The following EDDM13 variants were observed in gnomAD, a reference collection of about 807,000 sequenced individuals.
EDDM13 encodes epididymal protein 13.
A neutral mutation model predicts 17.8 loss-of-function variants in EDDM13; 24 were observed. That is an observed-to-expected ratio of 1.35 (90% confidence interval 0.98 to 1.90). EDDM13 has a LOEUF of 1.90. Ranked by LOEUF, EDDM13 falls within the 40% of genes most tolerant of loss-of-function variation. The pLI is 0.00. For missense variants in EDDM13, 97 were observed against 100.8 expected (o/e 0.96, Z 0.16); for synonymous variants, 31 against 37.5 (o/e 0.83, Z 0.63).
chr19:56,308,240 G>A (rs2040824498), intron 14 of EDDM13, among the ~76,000 whole-genome samples: 1 of 150,656 alleles, frequency 6.6e-6, no homozygotes, highest in Non-Finnish European at 1.5e-5. Flanking sequence ...CACCATGTTG[G>A]CCAGGATGGT....
In EDDM13 at chr19:56,295,550, G is replaced by A. The variant is rs143187069; in HGVS notation, c.233-409G>A. 3.6e-4 allele frequency among the ~76,000 whole-genome samples: 55 copies of A among 152,128 alleles called. No individual in the cohort carries two copies. In the East Asian group the frequency reaches 8.3e-3, roughly 23 times the overall value. On this transcript the variant is annotated intron_variant, in intron 9 of 14. Transcript: ENST00000649256. Reference sequence around the variant, plus strand: ...GCAGAAGTTGCAGTGAGCCGAGATCGTCCCACTGCACCCCAGTCTGGGCAA... The same window carrying A: ...GCAGAAGTTGCAGTGAGCCGAGATCATCCCACTGCACCCCAGTCTGGGCAA...
intron 3 of EDDM13, among the ~76,000 whole-genome samples, chr19:56,282,133 C>G (rs1276635355): frequency 6.6e-6 from 1 of 152,082 alleles, no homozygotes; most frequent in South Asian, 2.1e-4. Context: ...AGACGTCTTC[C>G]TTTCCCAGAA....
chr19:56,282,199 C>T (rs1029045592), intron 3 of EDDM13, among the ~76,000 whole-genome samples: 24 of 152,090 alleles, frequency 1.6e-4, no homozygotes, highest in Admixed American at 1.6e-3. Context: ...TTATGGAGAC[C>T]TTCCTTATGC....
chr19:56,308,085 G>A (rs937995927), intron 14 of EDDM13, among the ~76,000 whole-genome samples: 38 of 152,222 alleles, frequency 2.5e-4, no homozygotes, highest in Admixed American at 2.5e-3. Context: ...CCAGGCTGGA[G>A]CGCAGTGGCG....
At chr19:56,276,223 G>A (rs1340581045) in intron 2 of EDDM13, among the ~76,000 whole-genome samples, 114 bp downstream of exon 2, 1 of 152,198 alleles carries the variant, frequency 6.6e-6, no homozygotes, top group East Asian at 1.9e-4. Context: ...TGGATCTGGT[G>A]CACAGACCTG....
intron 13 of EDDM13, among the ~76,000 whole-genome samples, chr19:56,303,288 G>A (rs1057045714): frequency 6.6e-6 from 1 of 151,948 alleles, no homozygotes; most frequent in East Asian, 1.9e-4. Context: ...GACCAGCCTG[G>A]TCAACATGGT....
chr19:56,294,802 A>G (rs2039749612), intron 9 of EDDM13, among the ~76,000 whole-genome samples: 1 of 152,270 alleles, frequency 6.6e-6, no homozygotes, highest in Admixed American at 6.5e-5. Context: ...TTATTCAGCC[A>G]CAAAGAAAGT....
intron 12 of EDDM13, 168 bp from the exon 13 acceptor site, chr19:56,301,800 C>T (rs2040250950): frequency 3.0e-6 from 2 of 667,762 alleles, no homozygotes; most frequent in Non-Finnish European, 4.2e-6. Flanking sequence ...TGGTGGTAAC[C>T]AAGAAGGGGG....
At chr19:56,304,202 C>T (rs552393461) in intron 13 of EDDM13, among the ~76,000 whole-genome samples, 2 of 152,084 alleles carry the variant, frequency 1.3e-5, no homozygotes, top group African/African-American at 2.4e-5. Context: ...GGGGACCTGG[C>T]GGTGCTCATG....
chr19:56,280,789 T>C (rs2038633643), intron 2 of EDDM13: 3 of 152,198 alleles, frequency 2.0e-5, no homozygotes, highest in African/African-American at 7.2e-5. Context: ...TATCTATTCA[T>C]GAAAGTTGAG....
intron 2 of EDDM13, among the ~76,000 whole-genome samples, chr19:56,276,348 C>T (rs1028901353): frequency 1.7e-4 from 26 of 152,028 alleles, no homozygotes; most frequent in Admixed American, 8.5e-4. Context: ...GAGGCCTATT[C>T]GGAAAATGAA....
chr19:56,308,638 C>A (rs906917518), intron 14 of EDDM13, among the ~76,000 whole-genome samples: 4 of 149,930 alleles, frequency 2.7e-5, no homozygotes, highest in Non-Finnish European at 5.9e-5. Flanking sequence ...TAAATCATTT[C>A]TGATTCCCCC....
chr19:56,309,423 C>T (rs1344930333), intron 14 of EDDM13, among the ~76,000 whole-genome samples: 4 of 152,250 alleles, frequency 2.6e-5, no homozygotes, highest in East Asian at 3.9e-4. Flanking sequence ...AAATTGTGCC[C>T]TTTCAAAATG....
intron 14 of EDDM13, among the ~76,000 whole-genome samples, chr19:56,305,149 A>C (rs558215496): frequency 1.2e-4 from 19 of 152,298 alleles, no homozygotes; most frequent in Admixed American, 5.9e-4. Context: ...ACCATTAGTG[A>C]CATTCAGTAC....
intron 12 of EDDM13, among the ~76,000 whole-genome samples, chr19:56,298,470 G>T (rs2040022007): frequency 6.6e-6 from 1 of 151,918 alleles, no homozygotes; most frequent in Non-Finnish European, 1.5e-5. Context: ...ACCCCGTCTG[G>T]TGAAACCCCG....
intron 8 of EDDM13, among the ~76,000 whole-genome samples, chr19:56,289,173 C>G (rs2039345294): frequency 6.6e-6 from 1 of 152,174 alleles, no homozygotes; most frequent in African/African-American, 2.4e-5. Flanking sequence ...CTGACCATGC[C>G]TGATTTCAGG....
At chr19:56,275,946 G>T (rs2038216229) in intron 1 of EDDM13, among the ~76,000 whole-genome samples, 146 bp from the exon 2 acceptor site, 1 of 152,154 alleles carries the variant, frequency 6.6e-6, no homozygotes, top group Non-Finnish European at 1.5e-5. Flanking sequence ...TAGCTTTATT[G>T]ATAGCAGTGA....
chr19:56,282,457 G>C, intron 3 of EDDM13, 34 bp from the exon 4 acceptor site: 1 of 984,760 alleles, frequency 1.0e-6, no homozygotes, highest in Non-Finnish European at 1.2e-6. Context: ...GGCTACCATC[G>C]GTCCTGTCCT....
chr19:56,287,640 CACTGTCAGGTATAATA>C (rs2039225878), intron 6 of EDDM13, among the ~76,000 whole-genome samples: 1 of 152,148 alleles, frequency 6.6e-6, no homozygotes, highest in Non-Finnish European at 1.5e-5. Flanking sequence ...CGAATGTAGC[CACTGTCAGGTATAATA>C]ACGGCAGGGG....
Sources: gnomAD v4.1 joint callset for allele counts (sites outside exome capture counted in the v4.1 genomes callset) on GRCh38, gnomAD v4.1.1 for gene constraint, MANE v1.5 for transcripts, NCBI Gene and HGNC (gene_info 2026-07-23, HGNC 2026-07-21) for gene names.